Variants in TLE1 observed in about 807,000 individuals in gnomAD.
TLE1 encodes the protein TLE family member 1, transcriptional corepressor.
Under a neutral mutation model 89.8 loss-of-function variants are expected in TLE1, and 21 were observed. The observed-to-expected ratio is 0.23, with a 90% confidence interval of 0.17 to 0.34. TLE1 has a LOEUF of 0.34. TLE1 is among the 10% of genes least tolerant of loss of function. TLE1 has a pLI of 1.00. For synonymous variants in TLE1, 447 were observed against 407.6 expected (o/e 1.10, Z -1.16); for missense variants, 795 against 1,031.2 (o/e 0.77, Z 3.14).
At chr9:81,670,891 G>A (rs1052437798) in intron 4 of TLE1, among the ~76,000 whole-genome samples, 2 of 152,074 alleles carry the variant, frequency 1.3e-5, no homozygotes, top group Non-Finnish European at 1.5e-5. Context: ...AGGATGGGCT[G>A]GGTGCCGTGG....
intron 14 of TLE1, among the ~76,000 whole-genome samples, chr9:81,596,121 C>T (rs538576231): frequency 1.3e-5 from 2 of 152,024 alleles, no homozygotes; most frequent in Non-Finnish European, 2.9e-5. Context: ...ATAGATGCAC[C>T]GAGTAACAGA....
intron 4 of TLE1, among the ~76,000 whole-genome samples, chr9:81,665,592 C>G (rs974211942): frequency 6.6e-6 from 1 of 152,156 alleles, no homozygotes; most frequent in Non-Finnish European, 1.5e-5. Context: ...TCTAGCTCCT[C>G]GTGAGGCAGA....
chr9:81,635,826 T>C (rs1827288945), intron 6 of TLE1, among the ~76,000 whole-genome samples: 1 of 152,110 alleles, frequency 6.6e-6, no homozygotes, highest in African/African-American at 2.4e-5. Context: ...TCTGTGGAAA[T>C]TTTACAATGA....
At chr9:81,587,907 C>CCGCCTGT in intron 16 of TLE1, 79 bp from the exon 17 acceptor site, 1 of 752,282 alleles carries the variant, frequency 1.3e-6, no homozygotes, top group Non-Finnish European at 2.0e-6. Context: ...AGTTTTGGAC[C>CCGCCTGT]GTGTGTGTGT....
At chr9:81,656,025 A>G (rs1323690595) in intron 4 of TLE1, among the ~76,000 whole-genome samples, 1 of 152,144 alleles carries the variant, frequency 6.6e-6, no homozygotes, top group East Asian at 1.9e-4. Flanking sequence ...CTGACCACCA[A>G]TGAGACAAGG....
chr9:81,596,871 A>G (rs1383854996), intron 14 of TLE1, among the ~76,000 whole-genome samples: 1 of 152,212 alleles, frequency 6.6e-6, no homozygotes, highest in East Asian at 1.9e-4. Context: ...GTGAAAAGTC[A>G]CTGAGCTAGA....
chr9:81,631,587 A>G (rs1041830062), intron 8 of TLE1, among the ~76,000 whole-genome samples: 1 of 152,256 alleles, frequency 6.6e-6, no homozygotes, highest in Non-Finnish European at 1.5e-5. Flanking sequence ...TGCGTGTCCC[A>G]TAATGCCTTA....
In TLE1 at chr9:81,688,609, C is replaced by G. The variant is rs889698118; in HGVS notation, c.-369G>C. 24 of 239,512 alleles carry G rather than the reference C, an allele frequency of 1.0e-4. No homozygotes were observed. Among genetic ancestry groups the G allele is most frequent in the Non-Finnish European group, 1.6e-5 (2 of 125,820 alleles). 14.8% of individuals were successfully genotyped at this position (239,512 alleles called of 1,614,324 possible). On this transcript the variant is annotated 5_prime_UTR_variant, in exon 1 of 20. Coordinates refer to ENST00000376499, the MANE Select transcript of TLE1 (RefSeq NM_005077.5). ...GCGGTGACTCCGACCGCACTCCCCTCGGCGATCCGCGTGCGCGGCGCCAGT... is the reference window on the plus strand; with the variant it reads ...GCGGTGACTCCGACCGCACTCCCCTGGGCGATCCGCGTGCGCGGCGCCAGT...
intron 4 of TLE1, among the ~76,000 whole-genome samples, chr9:81,662,828 T>C (rs928324376): frequency 3.9e-5 from 6 of 152,132 alleles, no homozygotes; most frequent in African/African-American, 1.4e-4. Context: ...ATCATTGCCC[T>C]TGATTTACTG....
intron 4 of TLE1, among the ~76,000 whole-genome samples, chr9:81,654,930 T>C (rs1299330426): frequency 2.6e-5 from 4 of 152,162 alleles, no homozygotes; most frequent in African/African-American, 9.7e-5. Flanking sequence ...TAGAGGGTGA[T>C]GGTCAAGTCA....
chr9:81,680,077 C>T (rs1325137095), intron 4 of TLE1, among the ~76,000 whole-genome samples: 2 of 152,186 alleles, frequency 1.3e-5, no homozygotes, highest in Non-Finnish European at 2.9e-5. Flanking sequence ...TCAATTTGCA[C>T]GCACGAGGTG....
At chr9:81,666,368 G>C (rs1588180114) in intron 4 of TLE1, among the ~76,000 whole-genome samples, 3 of 152,260 alleles carry the variant, frequency 2.0e-5, no homozygotes, top group South Asian at 4.1e-4. Flanking sequence ...TTAGTCATTA[G>C]AGAGCTCATA....
intron 1 of TLE1, among the ~76,000 whole-genome samples, chr9:81,687,785 G>A (rs1163502374): frequency 6.6e-6 from 1 of 152,060 alleles, no homozygotes; most frequent in Non-Finnish European, 1.5e-5. Context: ...AATGACCCCG[G>A]GGACCAGAGG....
intron 4 of TLE1, among the ~76,000 whole-genome samples, chr9:81,666,997 T>C (rs7025418): frequency 0.15 from 22,683 of 151,810 alleles, 2,503 homozygotes; most frequent in East Asian, 0.48. Context: ...GTGTGGCCTA[T>C]AGTCCCAGCT....
At chr9:81,647,215 G>T (rs1828963762) in intron 6 of TLE1, among the ~76,000 whole-genome samples, 1 of 152,146 alleles carries the variant, frequency 6.6e-6, no homozygotes, top group Non-Finnish European at 1.5e-5. Flanking sequence ...CTGGTCATCT[G>T]ACGATGTCTT....
In TLE1 at chr9:81,686,039, C is replaced by T. The variant is rs1834229220; in HGVS notation, c.126-143G>A. The T allele has an allele frequency of 6.4e-6, 5 of 782,946 alleles. No homozygotes were observed. The Admixed American group carries it at 1.3e-4, about 20-fold the overall frequency. 48.5% of individuals were successfully genotyped at this position (782,946 alleles called of 1,614,324 possible). On this transcript the variant is annotated intron_variant, in intron 2 of 19. Transcript: ENST00000376499. ...CTAGGTAAACACCCAAAAGCTTTGT[C>T]CTTGCATTTAATAGGGAAAAGGAAT...
intron 15 of TLE1, among the ~76,000 whole-genome samples, chr9:81,592,152 A>T (rs527625951): frequency 6.6e-6 from 1 of 152,308 alleles, no homozygotes; most frequent in East Asian, 1.9e-4. Context: ...AGGTCAGGAG[A>T]TCGAGACCAT....
intron 4 of TLE1, among the ~76,000 whole-genome samples, chr9:81,680,897 A>T (rs1833532537): frequency 6.6e-6 from 1 of 151,910 alleles, no homozygotes; most frequent in Admixed American, 6.6e-5. Context: ...AAAATCTCAA[A>T]GTGAGAAACT....
chr9:81,599,828 A>G, intron 14 of TLE1: 1 of 363,690 alleles, frequency 2.7e-6, no homozygotes, highest in Non-Finnish European at 4.9e-6. Context: ...AACTAACTTG[A>G]AAGTAGCAAA....
Sources: allele counts gnomAD v4.1 joint callset (sites outside exome capture counted in the v4.1 genomes callset), GRCh38; gene constraint gnomAD v4.1.1; transcripts MANE v1.5; gene names NCBI Gene and HGNC (gene_info 2026-07-23, HGNC 2026-07-21).